Variants in GALNT13 observed in about 807,000 individuals in gnomAD.
GALNT13 encodes polypeptide N-acetylgalactosaminyltransferase 13, also known as UDP-GalNAc:polypeptide N-acetylgalactosaminyltransferase 13.
Under a neutral mutation model 64.2 loss-of-function variants are expected in GALNT13, and 28 were observed. That is an observed-to-expected ratio of 0.44 (90% CI 0.32 to 0.60). The LOEUF (loss-of-function observed/expected upper bound fraction) is 0.60. Among genes scored for constraint, GALNT13 ranks in the 20% least tolerant of loss-of-function variants. The pLI, the probability that GALNT13 is intolerant of heterozygous loss-of-function variation, is 0.05. For synonymous variants in GALNT13, 214 were observed against 224.6 expected, an observed-to-expected ratio of 0.95 and a Z score of 0.42; for missense variants, 577 against 669.8, an observed-to-expected ratio of 0.86 and a Z score of 1.53.
chr2:154,301,330 G>A (rs757950424), intron 8 of GALNT13, 79 bp from the exon 9 acceptor site: 8 of 1,178,180 alleles, frequency 6.8e-6, no homozygotes, highest in Middle Eastern at 2.0e-4. Flanking sequence ...TGTAAAATAC[G>A]AAGATTTGGC....
the GALNT13 span, among the ~76,000 whole-genome samples, chr2:153,740,859 G>A: frequency 6.6e-6 from 1 of 151,950 alleles, no homozygotes; most frequent in Non-Finnish European, 1.5e-5. Context: ...ATATCATTTG[G>A]GGCAGCCCCC....
the GALNT13 span, among the ~76,000 whole-genome samples, chr2:153,343,473 A>T: frequency 6.6e-6 from 1 of 152,174 alleles, no homozygotes; most frequent in Non-Finnish European, 1.5e-5. Flanking sequence ...CCTAAATAAT[A>T]ATTTGTTATA....
rs111806281 is a variant in GALNT13 at position 154,307,072 on chromosome 2, G to A, written c.1156+5483G>A. Reference sequence around the variant, plus strand: ...ACCCAGGAATGAACAAGGACAGTTTGGAGGTTAGAAGCAAGATGGAGTTGG... The same window carrying A: ...ACCCAGGAATGAACAAGGACAGTTTAGAGGTTAGAAGCAAGATGGAGTTGG... On this transcript the variant is annotated intron_variant, in intron 9 of 12. Coordinates refer to ENST00000392825, the MANE Select transcript of GALNT13 (RefSeq NM_052917.4). 9.7e-3 allele frequency among the ~76,000 whole-genome samples: 1,481 copies of A among 152,054 alleles called. 20 individuals are homozygous for A. The highest frequency in any genetic ancestry group is 0.033 in the African/African-American group (1,350 of 41,472).
At chr2:153,675,295 C>A in the GALNT13 span, among the ~76,000 whole-genome samples, 1 of 152,110 alleles carries the variant, frequency 6.6e-6, no homozygotes, top group Non-Finnish European at 1.5e-5. Context: ...TGGAACCAAC[C>A]CAGATATTCA....
chr2:153,425,984 A>G, the GALNT13 span, among the ~76,000 whole-genome samples: 9 of 151,966 alleles, frequency 5.9e-5, 1 homozygote, highest in South Asian at 1.9e-3. Context: ...TTCTTAGCTC[A>G]TCTTGGTGCC....
the GALNT13 span, chr2:153,357,553 G>T: frequency 1.3e-5 from 2 of 152,132 alleles, no homozygotes. Flanking sequence ...AAAGCAATTT[G>T]GGGCCATAAA....
intron 9 of GALNT13, among the ~76,000 whole-genome samples, chr2:154,340,662 C>T (rs1486318921): frequency 6.6e-6 from 1 of 151,966 alleles, no homozygotes; most frequent in African/African-American, 2.4e-5. Flanking sequence ...CAGAACTAGT[C>T]CCACATTAAA....
chr2:154,274,491 G>A (rs1691530403), intron 8 of GALNT13, among the ~76,000 whole-genome samples: 1 of 152,056 alleles, frequency 6.6e-6, no homozygotes, highest in South Asian at 2.1e-4. Context: ...GTCCCCACGT[G>A]TCATGGAAGG....
At position 154,143,930 on chromosome 2, in the gene GALNT13, G is replaced by A. The variant is rs1358740403; in HGVS notation, c.311+3425G>A. Among the ~76,000 whole-genome samples, 3 of 146,560 alleles carry A rather than the reference G, an allele frequency of 2.0e-5. No homozygotes were observed. The East Asian group carries it at 6.0e-4, about 29-fold the overall frequency. On this transcript the variant is annotated intron_variant, in intron 4 of 12. Coordinates refer to ENST00000392825, the MANE Select transcript of GALNT13 (RefSeq NM_052917.4). ...TTGTTGTCTTACTCTAAGAAAAAAA[G>A]GATCCCTTGGCATACTAAGTTTATG...
intron 3 of GALNT13, among the ~76,000 whole-genome samples, chr2:154,105,168 G>A (rs899582213): frequency 1.3e-5 from 2 of 151,576 alleles, no homozygotes; most frequent in Non-Finnish European, 1.5e-5. Flanking sequence ...TTTCCAACTG[G>A]TTTTGGCACT....
the GALNT13 span, among the ~76,000 whole-genome samples, chr2:153,293,537 G>A: frequency 9.9e-4 from 151 of 152,108 alleles, 2 homozygotes; most frequent in Non-Finnish European, 2.6e-4. Flanking sequence ...CAGGAAAAAC[G>A]CAGCCCTGCA....
In GALNT13 at chr2:154,438,672, C is replaced by T. The variant is rs747966911; in HGVS notation, c.1476C>T (p.Ile492=). Residue 492 remains isoleucine (I), a synonymous_variant, in exon 12 of 13, where the codon ATC becomes ATT. Coordinates refer to ENST00000392825, the MANE Select transcript of GALNT13 (RefSeq NM_052917.4). ...LDVSRLNGPV[I]MLKCHHMRGN... ...TTTCTAGACTCAATGGACCTGTAAT[C>T]ATGTTAAAATGCCACCATATGAGAG... 23 of 1,611,402 alleles carry T rather than the reference C, an allele frequency of 1.4e-5. No individual in the cohort carries two copies. In the South Asian group the frequency reaches 2.1e-4, roughly 15 times the overall value.
At chr2:153,100,237 A>T in the GALNT13 span, among the ~76,000 whole-genome samples, 1 of 152,232 alleles carries the variant, frequency 6.6e-6, no homozygotes, top group Non-Finnish European at 1.5e-5. Context: ...TCTAACTGCC[A>T]TCTCCACAAA....
the GALNT13 span, among the ~76,000 whole-genome samples, chr2:153,713,984 G>A: frequency 1.8e-4 from 27 of 152,246 alleles, no homozygotes; most frequent in Non-Finnish European, 3.1e-4. Flanking sequence ...CTCTAGCAAT[G>A]AATACTACAT....
chr2:153,640,415 C>T, the GALNT13 span, among the ~76,000 whole-genome samples: 5 of 152,008 alleles, frequency 3.3e-5, no homozygotes, highest in African/African-American at 9.7e-5. Flanking sequence ...ATGATCACTA[C>T]ATTTGGATCA....
the GALNT13 span, among the ~76,000 whole-genome samples, chr2:153,106,906 T>G: frequency 6.6e-6 from 1 of 152,188 alleles, no homozygotes; most frequent in Non-Finnish European, 1.5e-5. Flanking sequence ...ATAATTATCC[T>G]AATTGGTATG....
chr2:153,316,659 A>AAAAAAAAAAAAAAAAAT, the GALNT13 span, among the ~76,000 whole-genome samples: 1 of 150,790 alleles, frequency 6.6e-6, no homozygotes, highest in African/African-American at 2.4e-5. Context: ...AAAAAAAAAA[A>AAAAAAAAAAAAAAAAAT]TTTGTACAAC....
At chr2:154,082,608 T>A (rs181759517) in intron 3 of GALNT13, among the ~76,000 whole-genome samples, 1 of 151,802 alleles carries the variant, frequency 6.6e-6, no homozygotes, top group East Asian at 1.9e-4. Context: ...GCTTTCTGAG[T>A]TGGAGAAAGA....
chr2:153,524,979 A>G, the GALNT13 span, among the ~76,000 whole-genome samples: 1 of 152,140 alleles, frequency 6.6e-6, no homozygotes. Context: ...TCACAGCTCC[A>G]AAAGAGACCC....
Sources: allele counts gnomAD v4.1 joint callset (sites outside exome capture counted in the v4.1 genomes callset), GRCh38; gene constraint gnomAD v4.1.1; transcripts MANE v1.5; gene names NCBI Gene and HGNC (gene_info 2026-07-23, HGNC 2026-07-21).